MYBBP1A: variants seen among roughly 807,000 people sequenced by gnomAD.
MYBBP1A encodes MYB binding protein 1a.
A neutral mutation model predicts 136.3 loss-of-function variants in MYBBP1A; 147 were observed. The observed-to-expected ratio is 1.08, with a 90% CI of 0.94 to 1.24. The LOEUF (loss-of-function observed/expected upper bound fraction) is 1.24, where lower values mean the gene tolerates loss of function less well. MYBBP1A is among the 50% of genes most tolerant of loss of function. The pLI is 0.00. For missense variants in MYBBP1A, 2,060 were observed against 1,727.4 expected, an observed-to-expected ratio of 1.19 and a Z score of -3.41; for synonymous variants, 947 against 735.8, an observed-to-expected ratio of 1.29 and a Z score of -4.65.
intron 9 of MYBBP1A, among the ~76,000 whole-genome samples, 183 bp from the exon 10 acceptor site, chr17:4,549,625 A>C (rs1597386795): frequency 6.6e-6 from 1 of 151,924 alleles, no homozygotes; most frequent in Non-Finnish European, 1.5e-5. Context: ...AAAAATACAA[A>C]AATTAGCTGG....
rs766179334 is a variant in MYBBP1A, at chr17:4,552,136, G to A, written c.894C>T (p.Phe298=). 7.4e-6 allele frequency: 12 copies of A among 1,614,060 alleles called. No individual in the cohort carries two copies. In the South Asian group the frequency reaches 8.8e-5, roughly 12 times the overall value. The change falls in exon 7 of 26, where the codon TTC becomes TTT. Residue 298 remains phenylalanine (F), a synonymous_variant. Coordinates refer to ENST00000254718, the MANE Select transcript of MYBBP1A (RefSeq NM_014520.4). The surrounding 1 kb of genome is among the most constrained non-coding windows in gnomAD (Gnocchi z 4.7). The stretch of plus-strand genomic sequence containing the variant: ...CGCGTCGCCCGCACCTGGCTGGCCA[G>A]AACTGCATCTTCAGCAGCCCTTGTT... The part of the protein sequence containing the change: ...VVEQGLLKMQ[F]WPASYLCFRL...
chr17:4,542,382 G>C, intron 22 of MYBBP1A, 82 bp downstream of exon 22: 1 of 1,457,416 alleles, frequency 6.9e-7, no homozygotes, highest in Non-Finnish European at 9.3e-7. Context: ...CAGCGCTCTG[G>C]GGCCTCACAA....
Position 4,548,390 on chromosome 17 carries a change from G to T in MYBBP1A, c.1557-80C>A, listed in dbSNP as rs905454468. The T allele has an allele frequency of 9.4e-6, 15 of 1,601,844 alleles. No homozygotes were observed. In the African/African-American group the frequency reaches 2.0e-4, roughly 21 times the overall value. Reference sequence around the variant, plus strand: ...CTCCCTCCGCCCTCCCCAGGGCTCGGTCTCCCGCCTCTCCAGGACCTACTA... The same window carrying T: ...CTCCCTCCGCCCTCCCCAGGGCTCGTTCTCCCGCCTCTCCAGGACCTACTA... On this transcript the variant is annotated intron_variant, in intron 11 of 25. Coordinates refer to ENST00000254718, the MANE Select transcript of MYBBP1A (RefSeq NM_014520.4). This position sits in a 1 kb window ranked among gnomAD's most constrained non-coding sequence, Gnocchi z 4.2.
At chr17:4,541,733 C>A in intron 23 of MYBBP1A, 51 bp downstream of exon 23, 1 of 1,544,480 alleles carries the variant, frequency 6.5e-7, no homozygotes. Flanking sequence ...GATCGGTCTC[C>A]CGGAGAACTG....
chr17:4,540,073 G>C (rs1199640069), intron 25 of MYBBP1A, 106 bp from the exon 26 acceptor site: 10 of 1,340,448 alleles, frequency 7.5e-6, no homozygotes, highest in Non-Finnish European at 9.2e-6. Context: ...GAGGCCCCTA[G>C]GTTCTGTGAG....
chr17:4,540,712 C>G (rs1411106438), intron 24 of MYBBP1A, among the ~76,000 whole-genome samples: 2 of 152,120 alleles, frequency 1.3e-5, no homozygotes, highest in African/African-American at 4.8e-5. Flanking sequence ...GGCCTGGTCT[C>G]AGAGTCTCGG....
Position 4,555,234 on chromosome 17 carries a change from G to A in MYBBP1A, c.91C>T (p.His31Tyr). 6.2e-7 allele frequency: 1 copy of A among 1,612,412 alleles called. No homozygotes were observed. The highest frequency in any genetic ancestry group is 8.5e-7 in the Non-Finnish European group (1 of 1,179,680). Residue 31 changes from histidine (H) to tyrosine (Y), a missense_variant, in exon 1 of 26, where the codon CAC becomes TAC. His to Tyr is a moderately conservative substitution (Grantham distance 83, BLOSUM62 2). Coordinates refer to ENST00000254718, the MANE Select transcript of MYBBP1A (RefSeq NM_014520.4). ...AAGAAGTCCAAGAACTCGCGACTGTGCTTCAATAGGCCATAGCGGTCGGCA... is the reference window on the plus strand; with the variant it reads ...AAGAAGTCCAAGAACTCGCGACTGTACTTCAATAGGCCATAGCGGTCGGCA... ...RPADRYGLLK[H>Y]SREFLDFFWD...
At chr17:4,540,625 G>T in intron 24 of MYBBP1A, 141 bp from the exon 25 acceptor site, 1 of 1,065,408 alleles carries the variant, frequency 9.4e-7, no homozygotes, top group South Asian at 2.2e-5. Context: ...CCTTCTGCCT[G>T]TTAAGTCATC....
In MYBBP1A at chr17:4,549,597, T is replaced by C. The variant is rs575696019; in HGVS notation, c.1320-155A>G. 3.3e-5 allele frequency among the ~76,000 whole-genome samples: 5 copies of C among 151,818 alleles called. No individual in the cohort carries two copies. In the East Asian group the frequency reaches 9.7e-4, roughly 29 times the overall value. The stretch of plus-strand genomic sequence containing the variant: ...TTCGAGACCAGCCTGACCAACACGG[T>C]GAAACCCCATCTCCATTAAAAATAC... On this transcript the variant is annotated intron_variant, in intron 9 of 25. Coordinates refer to ENST00000254718, the MANE Select transcript of MYBBP1A (RefSeq NM_014520.4).
Position 4,548,336 on chromosome 17 carries a change from C to A in MYBBP1A, c.1557-26G>T. 6.2e-7 allele frequency: 1 copy of A among 1,609,300 alleles called. No individual in the cohort carries two copies. Among genetic ancestry groups the A allele is most frequent in the South Asian group, 1.1e-5 (1 of 91,018 alleles). ...CTGGGCAAGGGATGGGGCTTGGGGT[C>A]AGCAGACCAGATGAGTCAATGTAGC... On this transcript the variant is annotated intron_variant, in intron 11 of 25. Coordinates refer to ENST00000254718, the MANE Select transcript of MYBBP1A (RefSeq NM_014520.4). The surrounding 1 kb of genome is among the most constrained non-coding windows in gnomAD (Gnocchi z 4.2).
intron 23 of MYBBP1A, 56 bp from the exon 24 acceptor site, chr17:4,541,620 T>G: frequency 6.3e-7 from 1 of 1,575,052 alleles, no homozygotes; most frequent in Admixed American, 1.7e-5. Context: ...AGCCTTTCTG[T>G]TTCCCAGCCG....
chr17:4,542,618 G>A lies in MYBBP1A; in HGVS notation c.3016C>T (p.Pro1006Ser), dbSNP rs1196703831. 4 of 1,613,978 alleles carry A rather than the reference G, an allele frequency of 2.5e-6. No homozygotes were observed. The East Asian group carries it at 6.7e-5, about 27-fold the overall frequency. Reference protein sequence around the residue: ...PMFLSLFSRHPVLCQSLLPIL... With the variant: ...PMFLSLFSRHSVLCQSLLPIL... ...GCAGGGCAGGCCCCAACACTCACCG[G>A]GTGCCGGGAGAAGAGGCTGAGGAAC... The change falls in exon 21 of 26, where the codon CCG becomes TCG. Residue 1006 changes from proline (P) to serine (S), a missense_variant and splice_region_variant. Transcript: ENST00000254718.
rs753977778 is a variant in MYBBP1A, at chr17:4,545,971, G to A, written c.1825-29C>T. On this transcript the variant is annotated intron_variant, in intron 13 of 25. Transcript: ENST00000254718. ...CGGGCAGGGTAGGACACACACTGGG[G>A]CCAGGCCCTGTCCCCAGCCCTTCTA... The A allele has an allele frequency of 2.5e-6, 4 of 1,598,038 alleles. No homozygotes were observed. In the East Asian group the frequency reaches 6.7e-5, roughly 27 times the overall value.
intron 25 of MYBBP1A, 142 bp downstream of exon 25, chr17:4,540,206 G>T (rs1398731056): frequency 1.6e-6 from 2 of 1,282,098 alleles, no homozygotes; most frequent in Middle Eastern, 2.1e-4. Flanking sequence ...ATCTGAGAAT[G>T]CGCTTGAGTG....
At position 4,545,175 on chromosome 17, in the gene MYBBP1A, C is replaced by T; in HGVS notation, c.2161G>A (p.Asp721Asn). Residue 721 changes from aspartate (D) to asparagine (N), a missense_variant and splice_region_variant, in exon 17 of 26, where the codon GAC (aspartate) becomes AAC (asparagine). Coordinates refer to ENST00000254718, the MANE Select transcript of MYBBP1A (RefSeq NM_014520.4). Reference protein sequence around the residue: ...SDERRLKGAEDKSEEGEDNRS... With the variant: ...SDERRLKGAENKSEEGEDNRS... ...TTGTCCTCACCTTCCTCGCTCTTGT[C>T]CTGTGTGGTAGAGGCAGGCGCGTCA... The T allele has an allele frequency of 6.2e-7, 1 of 1,613,460 alleles. No individual in the cohort carries two copies. Among genetic ancestry groups the T allele is most frequent in the Non-Finnish European group, 8.5e-7 (1 of 1,179,948 alleles).
chr17:4,551,262 A>T (rs1907477297), intron 8 of MYBBP1A, among the ~76,000 whole-genome samples: 1 of 152,248 alleles, frequency 6.6e-6, no homozygotes, highest in East Asian at 1.9e-4. Context: ...AGCAGCACTT[A>T]CTGGGCACCA....
In MYBBP1A at chr17:4,548,320, G is replaced by A; in HGVS notation, c.1557-10C>T. On this transcript the variant is annotated splice_polypyrimidine_tract_variant and intron_variant, in intron 11 of 25. Coordinates refer to ENST00000254718, the MANE Select transcript of MYBBP1A (RefSeq NM_014520.4). This position sits in a 1 kb window ranked among gnomAD's most constrained non-coding sequence, Gnocchi z 4.2. ...GAGGGTCTGCAACAGACTGGGCAAG[G>A]GATGGGGCTTGGGGTCAGCAGACCA... 6.2e-7 allele frequency: 1 copy of A among 1,611,324 alleles called. No individual in the cohort carries two copies. The highest frequency in any genetic ancestry group is 8.5e-7 in the Non-Finnish European group (1 of 1,179,560).
Position 4,541,582 on chromosome 17 carries a change from G to A in MYBBP1A, c.3196-18C>T. The A allele has an allele frequency of 1.2e-6, 2 of 1,608,496 alleles. No homozygotes were observed. The highest frequency in any genetic ancestry group is 1.1e-5 in the South Asian group (1 of 91,046). ...CGCAAGTTCTAGGGAAGGGTGGCCA[G>A]GCTGAGGCACTCCGGAGAGCTGCTC... is the stretch of plus-strand genomic sequence containing the variant. On this transcript the variant is annotated intron_variant, in intron 23 of 25. Coordinates refer to ENST00000254718, the MANE Select transcript of MYBBP1A (RefSeq NM_014520.4).
At position 4,554,246 on chromosome 17, in the gene MYBBP1A, G is replaced by A. The variant is rs1480005112; in HGVS notation, c.327C>T (p.Cys109=). ...LLQSFEDLPL[C]SILQQIQEKY... The stretch of plus-strand genomic sequence containing the variant: ...TTTCTTGTATCTGCTGCAGGATGCT[G>A]CACAAGGGGAGGTCTTCAAAAGACT... The change falls in exon 3 of 26, where the codon TGC becomes TGT. Residue 109 remains cysteine (C), a synonymous_variant. Transcript: ENST00000254718. 1.2e-6 allele frequency: 2 copies of A among 1,613,938 alleles called. No homozygotes were observed. Among genetic ancestry groups the A allele is most frequent in the South Asian group, 1.1e-5 (1 of 91,086 alleles).
Sources: allele counts gnomAD v4.1 joint callset (sites outside exome capture counted in the v4.1 genomes callset), GRCh38; gene constraint gnomAD v4.1.1; non-coding constraint Gnocchi (gnomAD v3.1); transcripts MANE v1.5; gene names NCBI Gene and HGNC (gene_info 2026-07-23, HGNC 2026-07-21).